EYS: variants seen among roughly 807,000 people sequenced by gnomAD.
EYS encodes EGF-like photoreceptor maintenance factor, also known as protein eyes shut homolog.
EYS carries 250 observed loss-of-function variants against 282.1 expected under a neutral mutation model. The observed-to-expected ratio is 0.89, with a 90% CI of 0.80 to 0.98. The LOEUF is 0.98. Among genes scored for constraint, EYS ranks in the 50% least tolerant of loss-of-function variants. The pLI is 0.00. For synonymous variants in EYS, 1,355 were observed against 1,282.9 expected, an observed-to-expected ratio of 1.06 and a Z score of -1.20; for missense variants, 4,016 against 3,709.0, an observed-to-expected ratio of 1.08 and a Z score of -2.15.
At chr6:64,826,793 C>A (rs1340331756) in intron 19 of EYS, among the ~76,000 whole-genome samples, 1 of 150,326 alleles carries the variant, frequency 6.7e-6, no homozygotes, top group Admixed American at 6.7e-5. Flanking sequence ...CATTTGTCAG[C>A]GTTACATGTT....
chr6:65,679,624 A>C (rs565569784), intron 1 of EYS, among the ~76,000 whole-genome samples: 2 of 152,054 alleles, frequency 1.3e-5, no homozygotes, highest in East Asian at 3.9e-4. Flanking sequence ...TTTCTACAAT[A>C]AAGTATATAT....
intron 35 of EYS, among the ~76,000 whole-genome samples, chr6:63,895,433 T>C (rs1321369231): frequency 6.6e-6 from 1 of 152,198 alleles, no homozygotes; most frequent in Non-Finnish European, 1.5e-5. Context: ...ACTATGAAAT[T>C]ATCACAGCTA....
At chr6:65,103,682 C>T (rs755104184) in intron 12 of EYS, among the ~76,000 whole-genome samples, 3 of 151,486 alleles carry the variant, frequency 2.0e-5, no homozygotes, top group Non-Finnish European at 4.4e-5. Context: ...TTAGGCTACT[C>T]ATCTTATCCC....
At chr6:65,467,460 A>G (rs1219741760) in intron 5 of EYS, among the ~76,000 whole-genome samples, 1 of 151,890 alleles carries the variant, frequency 6.6e-6, no homozygotes, top group Non-Finnish European at 1.5e-5. Flanking sequence ...CAGAAATAAG[A>G]TATTATTCCC....
intron 22 of EYS, among the ~76,000 whole-genome samples, chr6:64,709,604 T>C (rs916975883): frequency 2.0e-5 from 3 of 152,200 alleles, no homozygotes; most frequent in Non-Finnish European, 2.9e-5. Context: ...CTAGGTGTTC[T>C]TGAAGCAATG....
chr6:63,893,966 T>G (rs1455865873), intron 35 of EYS, among the ~76,000 whole-genome samples: 1 of 152,122 alleles, frequency 6.6e-6, no homozygotes, highest in Non-Finnish European at 1.5e-5. Context: ...TTTCCTGGGT[T>G]GAGGGGGGCT....
chr6:64,584,791 T>C (rs1766180494), intron 26 of EYS, among the ~76,000 whole-genome samples: 1 of 152,132 alleles, frequency 6.6e-6, no homozygotes, highest in African/African-American at 2.4e-5. Flanking sequence ...CTGCATATAT[T>C]TTCTTTAACG....
intron 18 of EYS, among the ~76,000 whole-genome samples, chr6:64,889,079 T>G (rs9363293): frequency 0.16 from 23,566 of 151,976 alleles, 2,153 homozygotes; most frequent in East Asian, 0.49. Context: ...AATTATTTGG[T>G]GATATCTTGC....
chr6:64,525,237 C>A (rs1158833209), intron 26 of EYS, among the ~76,000 whole-genome samples: 1 of 151,736 alleles, frequency 6.6e-6, no homozygotes, highest in Non-Finnish European at 1.5e-5. Context: ...ATGTTCATTG[C>A]AGCACTATTC....
At chr6:64,781,888 A>T (rs1355793774) in intron 22 of EYS, among the ~76,000 whole-genome samples, 1 of 152,192 alleles carries the variant, frequency 6.6e-6, no homozygotes, top group African/African-American at 2.4e-5. Context: ...AACATAACTC[A>T]TATTATGTTT....
intron 10 of EYS, among the ~76,000 whole-genome samples, 176 bp downstream of exon 10, chr6:65,343,862 A>T (rs1160185657): frequency 6.6e-6 from 1 of 151,576 alleles, no homozygotes; most frequent in Non-Finnish European, 1.5e-5. Context: ...TATGACGTAA[A>T]TATAAATTTC....
At chr6:63,954,324 C>A (rs1765720734) in intron 35 of EYS, among the ~76,000 whole-genome samples, 1 of 152,166 alleles carries the variant, frequency 6.6e-6, no homozygotes, top group African/African-American at 2.4e-5. Context: ...TTGAGGCTAC[C>A]ATTTTGCCCC....
intron 41 of EYS, among the ~76,000 whole-genome samples, chr6:63,736,280 G>A (rs1164446124): frequency 6.6e-6 from 1 of 152,168 alleles, no homozygotes; most frequent in Non-Finnish European, 1.5e-5. Context: ...GTAAGGAAGT[G>A]ATCCAGTTTC....
At chr6:63,796,453 A>G (rs544610276) in intron 37 of EYS, among the ~76,000 whole-genome samples, 22 of 152,332 alleles carry the variant, frequency 1.4e-4, no homozygotes, top group African/African-American at 5.3e-4. Flanking sequence ...TCATAGAAAC[A>G]TGGTAATCCT....
At chr6:64,324,843 C>A (rs1770351451) in intron 29 of EYS, among the ~76,000 whole-genome samples, 1 of 152,018 alleles carries the variant, frequency 6.6e-6, no homozygotes, top group Non-Finnish European at 1.5e-5. Flanking sequence ...AGAGTCAAAT[C>A]AAGAATGTAA....
intron 35 of EYS, among the ~76,000 whole-genome samples, chr6:63,974,611 C>G (rs1382536923): frequency 6.6e-6 from 1 of 151,898 alleles, no homozygotes; most frequent in Non-Finnish European, 1.5e-5. Context: ...GACCTTGCTG[C>G]ATAAATATGA....
intron 14 of EYS, among the ~76,000 whole-genome samples, chr6:64,982,211 C>T (rs35794037): frequency 0.15 from 23,215 of 151,044 alleles, 1,973 homozygotes; most frequent in South Asian, 0.2. Context: ...TGTTGGTCAG[C>T]CCATTAAATC....
At chr6:64,100,491 CTGTT>C (rs1772788765) in intron 31 of EYS, among the ~76,000 whole-genome samples, 1 of 151,986 alleles carries the variant, frequency 6.6e-6, no homozygotes, top group East Asian at 1.9e-4. Flanking sequence ...TATAATGCTG[CTGTT>C]TATTTTTTTT....
intron 22 of EYS, among the ~76,000 whole-genome samples, chr6:64,749,885 T>C (rs1772685880): frequency 6.6e-6 from 1 of 152,136 alleles, no homozygotes; most frequent in African/African-American, 2.4e-5. Flanking sequence ...GTACGTAATA[T>C]ATAATAGCAA....
Sources: gnomAD v4.1 joint callset for allele counts (sites outside exome capture counted in the v4.1 genomes callset) on GRCh38, gnomAD v4.1.1 for gene constraint, MANE v1.5 for transcripts, NCBI Gene and HGNC (gene_info 2026-07-23, HGNC 2026-07-21) for gene names.